Variants in ARHGAP45 observed in about 807,000 individuals in gnomAD.
ARHGAP45 encodes rho GTPase-activating protein 45.
A neutral mutation model predicts 116.1 loss-of-function variants in ARHGAP45; 56 were observed. The observed-to-expected ratio is 0.48, with a 90% confidence interval of 0.39 to 0.60. The LOEUF (loss-of-function observed/expected upper bound fraction) is 0.60, where lower values mean the gene tolerates loss of function less well. Ranked by LOEUF, ARHGAP45 falls within the 20% of genes least tolerant of loss-of-function variation. The probability of loss-of-function intolerance (pLI) is 0.00; values close to 1 mark genes in which losing one functional copy is unlikely to be tolerated. For missense variants in ARHGAP45, 1,622 were observed against 1,601.0 expected, an observed-to-expected ratio of 1.01 and a Z score of -0.22; for synonymous variants, 866 against 701.7, an observed-to-expected ratio of 1.23 and a Z score of -3.70.
chr19:1,081,394 C>T lies in ARHGAP45; in HGVS notation c.2191-156C>T. 5 of 811,316 alleles carry T rather than the reference C, an allele frequency of 6.2e-6. No homozygotes were observed. In the South Asian group the frequency reaches 9.6e-5, roughly 16 times the overall value. The allele number at this position is 811,316 out of a possible 1,614,324, so 50.3% of individuals were successfully genotyped here. ...GAGGCCACAGGGCAGGCGGGATCAC[C>T]CCTGGGGTGGAAGCCACGAGCCACT... is the stretch of plus-strand genomic sequence containing the variant. On this transcript the variant is annotated intron_variant, in intron 17 of 22. Coordinates refer to ENST00000313093, the MANE Select transcript of ARHGAP45 (RefSeq NM_012292.5).
At chr19:1,075,942 C>T (rs1462898096) in intron 10 of ARHGAP45, among the ~76,000 whole-genome samples, 1 of 152,234 alleles carries the variant, frequency 6.6e-6, no homozygotes, top group African/African-American at 2.4e-5. Context: ...CAGCTCACCT[C>T]ATGCCCTGTT....
chr19:1,068,398 C>T lies in ARHGAP45; in HGVS notation c.91-16C>T, dbSNP rs1200082785. The T allele has an allele frequency of 6.6e-7, 1 of 1,522,442 alleles. No homozygotes were observed. 94.3% of individuals were successfully genotyped at this position (1,522,442 alleles called of 1,614,324 possible). A position where few individuals can be genotyped will look rare whatever the true frequency, so the allele number is the denominator to read the frequency against. On this transcript the variant is annotated splice_polypyrimidine_tract_variant and intron_variant, in intron 1 of 22. Coordinates refer to ENST00000313093, the MANE Select transcript of ARHGAP45 (RefSeq NM_012292.5). This position sits in a 1 kb window ranked among gnomAD's most constrained non-coding sequence, Gnocchi z 7.5. ...CGGAAAATCCCTTTAACGAGCTCCC[C>T]TCGGACCTGCCCAAGGAGCTGCCCA...
intron 21 of ARHGAP45, among the ~76,000 whole-genome samples, chr19:1,083,610 C>G (rs1251824769): frequency 6.6e-6 from 1 of 152,230 alleles, no homozygotes; most frequent in Non-Finnish European, 1.5e-5. Context: ...TTGGGCCTCA[C>G]CCTTCACCCC....
chr19:1,079,566 T>A, intron 11 of ARHGAP45, 137 bp from the exon 12 acceptor site: 1 of 1,050,108 alleles, frequency 9.5e-7, no homozygotes, highest in Non-Finnish European at 1.4e-6. Flanking sequence ...CTCGAACTCC[T>A]GGCCTCAAGC....
At position 1,080,694 on chromosome 19, in the gene ARHGAP45, A is replaced by G; in HGVS notation, c.1925A>G (p.Lys642Arg). ...DPGPGAGDFK[K>R]FERTSSSGTM... ...GATTCCCGCCCAGGGGACTTTAAGA[A>G]GTTCGAGCGGACGTCATCCAGTGGT... The change falls in exon 16 of 23, where the codon AAG (lysine) becomes AGG (arginine). Residue 642 changes from lysine (K) to arginine (R), a missense_variant. By Grantham distance (26) the Lys-to-Arg change is conservative. This residue lies in a region of ARHGAP45 where 1,334 missense variants were observed against 1,263.8 expected (regional missense o/e 1.06). Transcript: ENST00000313093. 1 of 1,613,486 alleles carries G rather than the reference A, an allele frequency of 6.2e-7. No homozygotes were observed. The highest frequency in any genetic ancestry group is 8.5e-7 in the Non-Finnish European group (1 of 1,179,922).
In ARHGAP45 at chr19:1,085,921, T is replaced by G; in HGVS notation, c.3326T>G (p.Leu1109Arg). The G allele has an allele frequency of 1.2e-6, 2 of 1,612,956 alleles. No individual in the cohort carries two copies. Among genetic ancestry groups the G allele is most frequent in the Non-Finnish European group, 1.7e-6 (2 of 1,179,956 alleles). The change falls in exon 23 of 23, where the codon CTG (leucine) becomes CGG (arginine). Residue 1109 changes from leucine to arginine, a missense_variant. Physicochemically the swap from Leu to Arg is moderately radical, Grantham distance 102. Transcript: ENST00000313093. ...AACACCAACCAGTCCAACAACGTGC[T>G]GCAGGCCCCACTGCCCCCCATGAGG... ...GFNTNQSNNV[L>R]QAPLPPMRLR...
intron 2 of ARHGAP45, 61 bp from the exon 3 acceptor site, chr19:1,073,088 T>A: frequency 6.5e-7 from 1 of 1,529,102 alleles, no homozygotes; most frequent in Non-Finnish European, 8.7e-7. Context: ...AGGGAGGAGG[T>A]GGACAGACTT....
In ARHGAP45 at chr19:1,074,890, CGGGCGG is replaced by C; in HGVS notation, c.1185+19_1185+24del. On this transcript the variant is annotated intron_variant, in intron 10 of 22. Transcript: ENST00000313093. The stretch of plus-strand genomic sequence containing the variant: ...GCCCAGAGGAAGCTGGTGAGGCGGG[CGGGCGG>C]GGGCGGGCGGGGGCGGGCAGCGGGC... The C allele has an allele frequency of 5.6e-5, 3 of 53,508 alleles. No individual in the cohort carries two copies. Among genetic ancestry groups the C allele is most frequent in the Non-Finnish European group, 9.2e-5 (2 of 21,734 alleles). 3.3% of individuals were successfully genotyped at this position (53,508 alleles called of 1,614,324 possible). A position where few individuals can be genotyped will look rare whatever the true frequency, so the allele number is the denominator to read the frequency against.
At chr19:1,072,045 C>A (rs540150567) in intron 2 of ARHGAP45, among the ~76,000 whole-genome samples, 1 of 137,220 alleles carries the variant, frequency 7.3e-6, no homozygotes, top group Admixed American at 7.6e-5. Context: ...CTTTTCTTTC[C>A]TTTTCTTTCT....
Position 1,074,894 on chromosome 19 carries a change from C to A in ARHGAP45, c.1185+15C>A. 5.6e-5 allele frequency: 3 copies of A among 53,920 alleles called. No individual in the cohort carries two copies. The highest frequency in any genetic ancestry group is 1.1e-4 in the Non-Finnish European group (3 of 26,970). The allele number at this position is 53,920 out of a possible 1,614,324, so 3.3% of individuals were successfully genotyped here. A position where few individuals can be genotyped will look rare whatever the true frequency, so the allele number is the denominator to read the frequency against. ...AGAGGAAGCTGGTGAGGCGGGCGGGCGGGGGCGGGCGGGGGCGGGCAGCGG... is the reference window on the plus strand; with the variant it reads ...AGAGGAAGCTGGTGAGGCGGGCGGGAGGGGGCGGGCGGGGGCGGGCAGCGG... On this transcript the variant is annotated intron_variant, in intron 10 of 22. Coordinates refer to ENST00000313093, the MANE Select transcript of ARHGAP45 (RefSeq NM_012292.5).
intron 21 of ARHGAP45, among the ~76,000 whole-genome samples, chr19:1,083,834 A>G (rs765391079): frequency 3.3e-5 from 5 of 152,164 alleles, no homozygotes; most frequent in Admixed American, 6.5e-5. Flanking sequence ...TCCGCTTCCC[A>G]GGTTCAAGCG....
chr19:1,074,101 C>T lies in ARHGAP45; in HGVS notation c.791-3C>T. 4 of 1,611,132 alleles carry T rather than the reference C, an allele frequency of 2.5e-6. No individual in the cohort carries two copies. Among genetic ancestry groups the T allele is most frequent in the Non-Finnish European group, 3.4e-6 (4 of 1,178,888 alleles). On this transcript the variant is annotated splice_polypyrimidine_tract_variant and splice_region_variant and intron_variant, in intron 6 of 22. Transcript: ENST00000313093. The stretch of plus-strand genomic sequence containing the variant: ...AGGCTGAGCAGGCCCCCGTTCCCTG[C>T]AGGCTGCCTGCCCGCCGAGGAGGTG...
At chr19:1,070,503 TTTC>T (rs200900600) in intron 2 of ARHGAP45, among the ~76,000 whole-genome samples, 14,328 of 143,406 alleles carry the variant, frequency 0.1, 1,305 homozygotes, top group African/African-American at 0.25. Context: ...GCTAATTTTT[TTTC>T]TTTCTTTTTT....
intron 10 of ARHGAP45, 113 bp from the exon 11 acceptor site, chr19:1,077,744 G>A (rs1423814982): frequency 6.5e-7 from 1 of 1,534,202 alleles, no homozygotes; most frequent in South Asian, 1.2e-5. Context: ...GCCCAGCTGG[G>A]CCATGGGGCC....
rs1409972372 is a variant in ARHGAP45, at chr19:1,074,150, G to A, written c.837G>A (p.Glu279=). Residue 279 remains glutamate (E), a synonymous_variant, in exon 7 of 23, where the codon GAG becomes GAA. Transcript: ENST00000313093. ...TGGACGTGCTGCTACAGCGCTGTGA[G>A]GGGGGCGTGGATGCCGCACTGCTGT... ...EEVDVLLQRC[E]GGVDAALLYA... The A allele has an allele frequency of 6.2e-7, 1 of 1,613,404 alleles. No homozygotes were observed. The highest frequency in any genetic ancestry group is 1.1e-5 in the South Asian group (1 of 91,088).
At position 1,081,914 on chromosome 19, in the gene ARHGAP45, G is replaced by T. The variant is rs2043450010; in HGVS notation, c.2470G>T (p.Ala824Ser). The T allele has an allele frequency of 6.2e-7, 1 of 1,612,884 alleles. No individual in the cohort carries two copies. The highest frequency in any genetic ancestry group is 2.2e-5 in the East Asian group (1 of 44,872). The change falls in exon 19 of 23, where the codon GCC becomes TCC. Residue 824 changes from alanine to serine, a missense_variant. Ala to Ser is a moderately conservative substitution (Grantham distance 99). Transcript: ENST00000313093. ...NGKELVELSQ[A>S]SPHDISNVLK... ...CAAGGAGCTGGTCGAGCTGTCGCAG[G>T]CCTCGCCCCACGACATCAGCAACGT...
rs556484255 is a variant in ARHGAP45, at chr19:1,077,206, G to C, written c.1186-651G>C. On this transcript the variant is annotated intron_variant, in intron 10 of 22. Coordinates refer to ENST00000313093, the MANE Select transcript of ARHGAP45 (RefSeq NM_012292.5). Reference sequence around the variant, plus strand: ...CTCGTCTGTGAGGAGGGAAGTGAAAGCAAAAGAGCCCGGAGACGCTCCCGT... The same window carrying C: ...CTCGTCTGTGAGGAGGGAAGTGAAACCAAAAGAGCCCGGAGACGCTCCCGT... The C allele has an allele frequency of 1.7e-5, 17 of 985,256 alleles. No homozygotes were observed. In the African/African-American group the frequency reaches 3.0e-4, roughly 17 times the overall value. 61.0% of individuals were successfully genotyped at this position (985,256 alleles called of 1,614,324 possible). A position where few individuals can be genotyped will look rare whatever the true frequency, so the allele number is the denominator to read the frequency against.
Position 1,073,258 on chromosome 19 carries a change from C to T in ARHGAP45, c.531C>T (p.Leu177=), listed in dbSNP as rs759505881. The change falls in exon 3 of 23, where the codon CTC becomes CTT. Residue 177 remains leucine (L), a synonymous_variant. Coordinates refer to ENST00000313093, the MANE Select transcript of ARHGAP45 (RefSeq NM_012292.5). ...CGCTGCTGAACACCGTGGAGACGCT[C>T]ACCGCAGCCGGCACCCTCATTGCCA... The part of the protein sequence containing the change: ...KYPLLNTVET[L]TAAGTLIAKV... 5 of 1,613,674 alleles carry T rather than the reference C, an allele frequency of 3.1e-6. No homozygotes were observed. Among genetic ancestry groups the T allele is most frequent in the East Asian group, 4.5e-5 (2 of 44,884 alleles).
Position 1,073,254 on chromosome 19 carries a change from C to T in ARHGAP45, c.527C>T (p.Thr176Met), listed in dbSNP as rs1227323316. Reference sequence around the variant, plus strand: ...TACCCGCTGCTGAACACCGTGGAGACGCTCACCGCAGCCGGCACCCTCATT... The same window carrying T: ...TACCCGCTGCTGAACACCGTGGAGATGCTCACCGCAGCCGGCACCCTCATT... ...SKYPLLNTVE[T>M]LTAAGTLIAK... The change falls in exon 3 of 23, where the codon ACG (threonine) becomes ATG (methionine). Residue 176 changes from threonine to methionine, a missense_variant. Thr to Met is a moderately conservative substitution (Grantham distance 81). Coordinates refer to ENST00000313093, the MANE Select transcript of ARHGAP45 (RefSeq NM_012292.5). 5.0e-6 allele frequency: 8 copies of T among 1,613,678 alleles called. No homozygotes were observed. Among genetic ancestry groups the T allele is most frequent in the East Asian group, 2.2e-5 (1 of 44,884 alleles).
Sources: gnomAD v4.1 joint callset for allele counts (sites outside exome capture counted in the v4.1 genomes callset) on GRCh38, gnomAD v4.1.1 for gene constraint, gnomAD v4.1.1 regional missense constraint, Gnocchi (gnomAD v3.1) non-coding constraint, MANE v1.5 for transcripts, NCBI Gene and HGNC (gene_info 2026-07-23, HGNC 2026-07-21) for gene names.